The following SPON1 variants were observed in gnomAD, a reference collection of about 807,000 sequenced individuals.
The protein encoded by SPON1 is spondin 1.
SPON1 carries 52 observed loss-of-function variants against 111.7 expected under a neutral mutation model. That is an observed-to-expected ratio of 0.47 (90% CI 0.37 to 0.59). The LOEUF is 0.59. Among genes scored for constraint, SPON1 ranks in the 20% least tolerant of loss-of-function variants. SPON1 has a pLI of 0.00. For synonymous variants in SPON1, 410 were observed against 395.8 expected, an observed-to-expected ratio of 1.04 and a Z score of -0.43; for missense variants, 957 against 1,068.5, an observed-to-expected ratio of 0.90 and a Z score of 1.46.
intron 6 of SPON1, among the ~76,000 whole-genome samples, chr11:14,221,524 GA>G (rs1554937583): frequency 6.6e-6 from 1 of 152,216 alleles, no homozygotes; most frequent in African/African-American, 2.4e-5. Context: ...ACAGTGTGAT[GA>G]ATGGGATACA....
intron 6 of SPON1, among the ~76,000 whole-genome samples, chr11:14,189,720 G>T (rs1554934379): frequency 3.3e-5 from 5 of 152,150 alleles, no homozygotes. Flanking sequence ...ACTTAAGGAA[G>T]AGGGAAAAAA....
At chr11:14,091,770 G>T (rs1849060514) in intron 5 of SPON1, among the ~76,000 whole-genome samples, 1 of 152,228 alleles carries the variant, frequency 6.6e-6, no homozygotes, top group East Asian at 1.9e-4. Flanking sequence ...CCAGAAAGGG[G>T]CTCCCACAGT....
At chr11:13,981,751 G>A (rs924858045) in intron 1 of SPON1, among the ~76,000 whole-genome samples, 2 of 152,202 alleles carry the variant, frequency 1.3e-5, no homozygotes, top group Non-Finnish European at 2.9e-5. Context: ...CAGCTCATGC[G>A]AAGTACAGTA....
At chr11:14,097,713 C>A (rs1849112685) in intron 5 of SPON1, among the ~76,000 whole-genome samples, 1 of 152,164 alleles carries the variant, frequency 6.6e-6, no homozygotes, top group African/African-American at 2.4e-5. Flanking sequence ...ATGGTTAAGG[C>A]CATTGAGCCA....
chr11:14,091,440 G>A (rs926891066), intron 5 of SPON1, among the ~76,000 whole-genome samples: 52 of 152,350 alleles, frequency 3.4e-4, no homozygotes, highest in Non-Finnish European at 3.5e-4. Context: ...GGAGGCTCAG[G>A]CATGGCGGGC....
chr11:14,116,766 T>C (rs1348910394), intron 5 of SPON1, among the ~76,000 whole-genome samples: 1 of 152,194 alleles, frequency 6.6e-6, no homozygotes, highest in Non-Finnish European at 1.5e-5. Flanking sequence ...AAACCTGTTA[T>C]TGAGACTGTT....
chr11:14,164,484 T>C (rs906992026), intron 6 of SPON1, among the ~76,000 whole-genome samples: 3 of 152,162 alleles, frequency 2.0e-5, no homozygotes, highest in African/African-American at 7.2e-5. Context: ...ATGCCCCTCT[T>C]TGTCTTCTGG....
chr11:14,005,038 G>A (rs1848348357), intron 2 of SPON1, among the ~76,000 whole-genome samples: 2 of 152,090 alleles, frequency 1.3e-5, no homozygotes, highest in African/African-American at 4.8e-5. Context: ...TTTTCATTTT[G>A]TTGTTTGTTT....
chr11:14,086,980 A>G (rs1343302857), intron 5 of SPON1, among the ~76,000 whole-genome samples: 2 of 151,984 alleles, frequency 1.3e-5, no homozygotes, highest in Non-Finnish European at 2.9e-5. Context: ...GTTTTGTGGG[A>G]TCAGTAGTGA....
At chr11:14,024,887 G>A (rs1186235891) in intron 2 of SPON1, among the ~76,000 whole-genome samples, 1 of 152,186 alleles carries the variant, frequency 6.6e-6, no homozygotes, top group Admixed American at 6.5e-5. Context: ...TCCTTCAAGT[G>A]ACAATATAGG....
intron 5 of SPON1, among the ~76,000 whole-genome samples, chr11:14,080,882 G>A (rs1178187974): frequency 1.3e-5 from 2 of 152,126 alleles, no homozygotes; most frequent in African/African-American, 4.8e-5. Context: ...CCAGGAGTTA[G>A]AGACCTGCCT....
intron 5 of SPON1, among the ~76,000 whole-genome samples, chr11:14,082,451 T>C (rs1848970036): frequency 6.6e-6 from 1 of 152,362 alleles, no homozygotes; most frequent in Non-Finnish European, 1.5e-5. Context: ...TCTTTCCCAC[T>C]AGACCAAGAA....
At chr11:14,175,857 G>T (rs782182517) in intron 6 of SPON1, among the ~76,000 whole-genome samples, 1 of 152,150 alleles carries the variant, frequency 6.6e-6, no homozygotes, top group South Asian at 2.1e-4. Flanking sequence ...CATAGGCAAG[G>T]TTCTTAATTT....
At chr11:14,246,043 T>C (rs534087209) in intron 7 of SPON1, among the ~76,000 whole-genome samples, 2 of 152,326 alleles carry the variant, frequency 1.3e-5, no homozygotes, top group Admixed American at 1.3e-4. Flanking sequence ...TCCCAGAACC[T>C]ATGTGTGAAG....
Position 14,265,863 on chromosome 11 carries a change from A to T in SPON1, c.*176A>T. On this transcript the variant is annotated 3_prime_UTR_variant, in exon 16 of 16. Transcript: ENST00000576479. ...CCTTTCTGAATACTTCTTGATGGGT[A>T]CAGGCTGAGTGGGGCGCCCTCACCT... is the stretch of plus-strand genomic sequence containing the variant. 1.4e-6 allele frequency: 1 copy of T among 725,614 alleles called. No individual in the cohort carries two copies. The highest frequency in any genetic ancestry group is 3.0e-5 in the Admixed American group (1 of 33,058). The allele number at this position is 725,614 out of a possible 1,614,324, so 44.9% of individuals were successfully genotyped here. A position where few individuals can be genotyped will look rare whatever the true frequency, so the allele number is the denominator to read the frequency against.
chr11:14,189,746 C>T (rs1366489949), intron 6 of SPON1, among the ~76,000 whole-genome samples: 2 of 152,180 alleles, frequency 1.3e-5, no homozygotes, highest in African/African-American at 2.4e-5. Flanking sequence ...ATTTTGATGT[C>T]AAAGTTTATT....
intron 6 of SPON1, among the ~76,000 whole-genome samples, chr11:14,144,148 C>T (rs1365107254): frequency 6.6e-6 from 1 of 152,108 alleles, no homozygotes; most frequent in Non-Finnish European, 1.5e-5. Flanking sequence ...AGTATGAGCT[C>T]ATTATTACTC....
At chr11:14,171,288 G>A (rs1428466187) in intron 6 of SPON1, among the ~76,000 whole-genome samples, 1 of 152,168 alleles carries the variant, frequency 6.6e-6, no homozygotes, top group Admixed American at 6.5e-5. Flanking sequence ...GCGTAGAGGT[G>A]TTTATAGTAT....
chr11:14,027,465 CA>C (rs1349045291), intron 2 of SPON1, among the ~76,000 whole-genome samples: 2 of 152,230 alleles, frequency 1.3e-5, no homozygotes, highest in African/African-American at 4.8e-5. Flanking sequence ...TCAGGACTGT[CA>C]GGGACTTTAA....
Sources: allele counts gnomAD v4.1 joint callset (sites outside exome capture counted in the v4.1 genomes callset), GRCh38; gene constraint gnomAD v4.1.1; transcripts MANE v1.5; gene names NCBI Gene and HGNC (gene_info 2026-07-23, HGNC 2026-07-21).